Variants in FRAS1 observed in about 807,000 individuals in gnomAD.
The protein encoded by FRAS1 is Fraser extracellular matrix complex subunit 1, also known as extracellular matrix organizing protein FRAS1.
FRAS1 carries 290 observed loss-of-function variants against 435.2 expected under a neutral mutation model. The observed-to-expected ratio is 0.67, with a 90% CI of 0.61 to 0.73. The LOEUF (loss-of-function observed/expected upper bound fraction) is 0.73. Ranked by LOEUF, FRAS1 falls within the 30% of genes least tolerant of loss-of-function variation. FRAS1 has a pLI of 0.00. For synonymous variants in FRAS1, 1,800 were observed against 1,851.0 expected, an observed-to-expected ratio of 0.97 and a Z score of 0.71; for missense variants, 4,860 against 5,001.5, an observed-to-expected ratio of 0.97 and a Z score of 0.85.
At chr4:78,145,694 A>T (rs370496853) in intron 2 of FRAS1, among the ~76,000 whole-genome samples, 1 of 152,180 alleles carries the variant, frequency 6.6e-6, no homozygotes, top group Non-Finnish European at 1.5e-5. Flanking sequence ...CTATATAAGA[A>T]CTACATCAAG....
Position 78,511,316 on chromosome 4 carries a change from T to C in FRAS1, c.9823T>C (p.Cys3275Arg). Residue 3275 changes from cysteine (C) to arginine (R), a missense_variant, in exon 64 of 74, where the codon TGT becomes CGT. Cys to Arg is a radical substitution (Grantham distance 180). Transcript: ENST00000512123. ...IYFSRRFHVRCVAKAVDKVGH... is the reference protein window; with the variant it reads ...IYFSRRFHVRRVAKAVDKVGH... The stretch of plus-strand genomic sequence containing the variant: ...CTTCAGCCGGAGGTTCCATGTGCGT[T>C]GTGTGGCCAAGGCTGTGGACAAGGT... 6.2e-7 allele frequency: 1 copy of C among 1,609,926 alleles called. No individual in the cohort carries two copies. The highest frequency in any genetic ancestry group is 8.5e-7 in the Non-Finnish European group (1 of 1,176,674).
At chr4:78,063,715 A>G (rs1739863829) in intron 1 of FRAS1, among the ~76,000 whole-genome samples, 2 of 152,130 alleles carry the variant, frequency 1.3e-5, no homozygotes, top group Admixed American at 1.3e-4. Context: ...GGGTACTCAG[A>G]TACTTCTTAA....
At chr4:78,219,492 C>A (rs1477488806) in intron 2 of FRAS1, among the ~76,000 whole-genome samples, 2 of 152,042 alleles carry the variant, frequency 1.3e-5, no homozygotes, top group Admixed American at 6.6e-5. Flanking sequence ...AGATATCAGC[C>A]AGTTTCTAGG....
rs116060599 is a variant in FRAS1 at position 78,520,217 on chromosome 4, C to T, written c.10540+736C>T. On this transcript the variant is annotated intron_variant, in intron 67 of 73. Transcript: ENST00000512123. ...CTTAAAACTCCCCAATTTTCTCCTCCGTTCTCTCCAATCGTTCTTGGTTAT... is the reference window on the plus strand; with the variant it reads ...CTTAAAACTCCCCAATTTTCTCCTCTGTTCTCTCCAATCGTTCTTGGTTAT... 1.1e-3 allele frequency among the ~76,000 whole-genome samples: 168 copies of T among 151,938 alleles called. 1 individual carries two copies. Among genetic ancestry groups the T allele is most frequent in the African/African-American group, 3.7e-3 (155 of 41,452 alleles).
At chr4:78,463,636 A>G (rs574131062) in intron 47 of FRAS1, among the ~76,000 whole-genome samples, 38 of 152,252 alleles carry the variant, frequency 2.5e-4, no homozygotes, top group Non-Finnish European at 4.7e-4. Context: ...AAATGAGGGT[A>G]GGTCTTCAGA....
chr4:78,213,826 A>G (rs1320004809), intron 2 of FRAS1, among the ~76,000 whole-genome samples: 1 of 152,202 alleles, frequency 6.6e-6, no homozygotes, highest in Non-Finnish European at 1.5e-5. Context: ...GCTTTTGTTC[A>G]GTTTTCATTG....
chr4:78,146,529 C>T (rs1234283535), intron 2 of FRAS1, among the ~76,000 whole-genome samples: 1 of 152,038 alleles, frequency 6.6e-6, no homozygotes, highest in Non-Finnish European at 1.5e-5. Context: ...CAAAACATAG[C>T]GAGAATAGTA....
chr4:78,216,598 A>G (rs969177548), intron 2 of FRAS1, among the ~76,000 whole-genome samples: 3 of 152,230 alleles, frequency 2.0e-5, no homozygotes, highest in Non-Finnish European at 2.9e-5. Context: ...TTCCACAGAT[A>G]TCTGCAGTTG....
intron 2 of FRAS1, among the ~76,000 whole-genome samples, chr4:78,231,730 G>A (rs576675041): frequency 5.9e-5 from 9 of 151,506 alleles, no homozygotes; most frequent in African/African-American, 1.7e-4. Flanking sequence ...TTTATTATTA[G>A]CATTAATCAA....
Position 78,057,854 on chromosome 4 carries a change from G to C in FRAS1, c.-156G>C, listed in dbSNP as rs1264155903. On this transcript the variant is annotated 5_prime_UTR_variant, in exon 1 of 74. Transcript: ENST00000512123. This position sits in a 1 kb window ranked among gnomAD's most constrained non-coding sequence, Gnocchi z 4.2. ...CGGCGCCTCCGGGCTGATGAGTGTC[G>C]CTCTCCGCCCGTCCATCTCTTTTTC... 2 of 646,338 alleles carry C rather than the reference G, an allele frequency of 3.1e-6. No homozygotes were observed. The highest frequency in any genetic ancestry group is 3.8e-5 in the South Asian group (2 of 52,772). 40.0% of individuals were successfully genotyped at this position (646,338 alleles called of 1,614,324 possible). A position where few individuals can be genotyped will look rare whatever the true frequency, so the allele number is the denominator to read the frequency against.
At chr4:78,452,791 C>T (rs80316133) in intron 47 of FRAS1, among the ~76,000 whole-genome samples, 3,939 of 152,288 alleles carry the variant, frequency 0.026, 171 homozygotes, top group African/African-American at 0.09. Flanking sequence ...GATTGAGATA[C>T]AGTCCTTGAC....
intron 2 of FRAS1, among the ~76,000 whole-genome samples, chr4:78,123,884 G>A (rs1043396247): frequency 2.0e-5 from 3 of 152,152 alleles, no homozygotes; most frequent in Non-Finnish European, 2.9e-5. Flanking sequence ...GGGCTGAGAC[G>A]ATGGGGTTTT....
chr4:78,206,280 G>A (rs965133160), intron 2 of FRAS1, among the ~76,000 whole-genome samples: 5 of 152,068 alleles, frequency 3.3e-5, no homozygotes, highest in Non-Finnish European at 5.9e-5. Context: ...CGGGAATAAT[G>A]TGCCATGAAG....
intron 2 of FRAS1, among the ~76,000 whole-genome samples, chr4:78,095,635 A>G (rs375391864): frequency 5.3e-5 from 8 of 152,254 alleles, no homozygotes; most frequent in African/African-American, 1.9e-4. Context: ...CCAAGGAGGA[A>G]CAAGTCACGT....
chr4:78,304,833 T>A (rs1227709732), intron 14 of FRAS1, among the ~76,000 whole-genome samples: 3 of 152,088 alleles, frequency 2.0e-5, no homozygotes, highest in Non-Finnish European at 2.9e-5. Context: ...CATTAATTTT[T>A]TGAAGGGTTT....
chr4:78,237,724 TG>T (rs914987682), intron 3 of FRAS1, 107 bp downstream of exon 3: 38 of 497,358 alleles, frequency 7.6e-5, no homozygotes, highest in African/African-American at 7.0e-4. Context: ...AATCTCTACC[TG>T]GGAGCTTAAT....
Position 78,499,862 on chromosome 4 carries a change from G to A in FRAS1, c.9257G>A (p.Gly3086Asp). 1.2e-6 allele frequency: 2 copies of A among 1,612,236 alleles called. No homozygotes were observed. Among genetic ancestry groups the A allele is most frequent in the Non-Finnish European group, 1.7e-6 (2 of 1,178,604 alleles). The change falls in exon 61 of 74, where the codon GGC becomes GAC. Residue 3086 changes from glycine to aspartate, a missense_variant. By Grantham distance (94) the Gly-to-Asp change is moderately conservative. Coordinates refer to ENST00000512123, the MANE Select transcript of FRAS1 (RefSeq NM_025074.7). ...TSKVRCSTRD[G>D]SAQSGVDYYP... ...AAGGTTCGCTGCAGCACGCGGGATG[G>A]CTCTGCCCAGTCTGGTGTGGATTAT... is the stretch of plus-strand genomic sequence containing the variant.
At chr4:78,361,992 T>A (rs1731089222) in intron 20 of FRAS1, among the ~76,000 whole-genome samples, 1 of 152,164 alleles carries the variant, frequency 6.6e-6, no homozygotes, top group Admixed American at 6.5e-5. Context: ...AGCAGGAAGT[T>A]TTCACCTACA....
At chr4:78,338,305 TA>T (rs534159633) in intron 20 of FRAS1, among the ~76,000 whole-genome samples, 10,507 of 146,094 alleles carry the variant, frequency 0.072, 699 homozygotes, top group African/African-American at 0.19. Flanking sequence ...AACTCAGATC[TA>T]AAAAAAAAAA....
Sources: allele counts gnomAD v4.1 joint callset (sites outside exome capture counted in the v4.1 genomes callset), GRCh38; gene constraint gnomAD v4.1.1; non-coding constraint Gnocchi (gnomAD v3.1); transcripts MANE v1.5; gene names NCBI Gene and HGNC (gene_info 2026-07-23, HGNC 2026-07-21).